Variants in VWA8 observed in about 807,000 individuals in gnomAD.
VWA8 encodes von Willebrand factor A domain-containing protein 8.
Under a neutral mutation model 241.5 loss-of-function variants are expected in VWA8, and 221 were observed. The observed-to-expected ratio is 0.91, with a 90% CI of 0.82 to 1.02. The LOEUF (loss-of-function observed/expected upper bound fraction) is 1.02. Among genes scored for constraint, VWA8 ranks in the 50% least tolerant of loss-of-function variants. The pLI, the probability that VWA8 is intolerant of heterozygous loss-of-function variation, is 0.00. For synonymous variants in VWA8, 852 were observed against 827.1 expected (o/e 1.03, Z -0.52); for missense variants, 2,322 against 2,328.7 (o/e 1.00, Z 0.06).
chr13:41,872,021 C>A (rs1236557752), intron 9 of VWA8, among the ~76,000 whole-genome samples: 2 of 152,154 alleles, frequency 1.3e-5, no homozygotes. Context: ...GATGGTATCT[C>A]ATTGTGGTTT....
chr13:41,817,578 A>G (rs1159473482), intron 15 of VWA8, among the ~76,000 whole-genome samples: 1 of 152,152 alleles, frequency 6.6e-6, no homozygotes, highest in African/African-American at 2.4e-5. Flanking sequence ...GTCCACATAT[A>G]CTTTGTTTCA....
In VWA8 at chr13:41,816,771, G is replaced by A. The variant is rs141997392; in HGVS notation, c.1874C>T (p.Pro625Leu). Reference sequence around the variant, plus strand: ...ATCCAGAGCTTCCTGAGGTACATTTGGGACCTATTTTTTGAAAGAGTTGAG... The same window carrying A: ...ATCCAGAGCTTCCTGAGGTACATTTAGGACCTATTTTTTGAAAGAGTTGAG... The part of the protein sequence containing the change: ...EEIQVIKEKV[P>L]NVPQEALDKL... The change falls in exon 16 of 45, where the codon CCA (proline) becomes CTA (leucine). Residue 625 changes from proline (P) to leucine (L), a missense_variant. By Grantham distance (98) the Pro-to-Leu change is moderately conservative. Transcript: ENST00000379310. The A allele has an allele frequency of 1.1e-3, 1,717 of 1,612,122 alleles. 5 individuals carry two copies. Among genetic ancestry groups the A allele is most frequent in the Non-Finnish European group, 1.4e-3 (1,628 of 1,179,106 alleles).
chr13:41,767,721 C>A (rs2045788977), intron 20 of VWA8, among the ~76,000 whole-genome samples: 1 of 152,180 alleles, frequency 6.6e-6, no homozygotes, highest in South Asian at 2.1e-4. Context: ...TTATAAACCT[C>A]CCTATCAAAA....
At chr13:41,952,934 T>A (rs1878201237) in intron 1 of VWA8, among the ~76,000 whole-genome samples, 1 of 152,020 alleles carries the variant, frequency 6.6e-6, no homozygotes, top group Admixed American at 6.6e-5. Flanking sequence ...CCCCTAGGCC[T>A]GAAGGGGCAA....
chr13:41,651,721 C>T (rs79603023), intron 37 of VWA8, among the ~76,000 whole-genome samples: 3,131 of 151,224 alleles, frequency 0.021, 49 homozygotes, highest in Non-Finnish European at 0.033. Flanking sequence ...GTTTTTTTTC[C>T]AAAAAAATCT....
intron 35 of VWA8, among the ~76,000 whole-genome samples, chr13:41,684,201 G>A (rs1289098899): frequency 1.3e-5 from 2 of 152,112 alleles, no homozygotes. Flanking sequence ...CAGCTGGGAA[G>A]AAACTAATTC....
At chr13:41,918,954 G>A (rs1876385148) in intron 2 of VWA8, among the ~76,000 whole-genome samples, 1 of 152,078 alleles carries the variant, frequency 6.6e-6, no homozygotes, top group Admixed American at 6.5e-5. Context: ...CAAATATTTA[G>A]AGACTAAACA....
chr13:41,674,424 G>T (rs1004083592), intron 36 of VWA8, among the ~76,000 whole-genome samples: 24 of 152,172 alleles, frequency 1.6e-4, no homozygotes, highest in African/African-American at 5.8e-4. Flanking sequence ...GAGTACATGA[G>T]AGGAGCAGAT....
intron 15 of VWA8, 138 bp from the exon 16 acceptor site, chr13:41,816,913 T>G (rs1386939108): frequency 2.9e-6 from 2 of 682,964 alleles, no homozygotes; most frequent in African/African-American, 3.7e-5. Context: ...GCTAAATGTT[T>G]AACTTATGGA....
chr13:41,618,718 T>C (rs2044637661), intron 37 of VWA8, among the ~76,000 whole-genome samples: 1 of 152,228 alleles, frequency 6.6e-6, no homozygotes, highest in Admixed American at 6.5e-5. Flanking sequence ...CCAGCACCAT[T>C]ATTAAATAGG....
At chr13:41,774,697 T>C (rs1042088223) in intron 20 of VWA8, among the ~76,000 whole-genome samples, 1 of 152,158 alleles carries the variant, frequency 6.6e-6, no homozygotes, top group African/African-American at 2.4e-5. Context: ...TAAAGAAGCA[T>C]ATTCTAGAAT....
intron 37 of VWA8, among the ~76,000 whole-genome samples, chr13:41,625,765 A>G (rs992095117): frequency 6.6e-6 from 1 of 152,000 alleles, no homozygotes; most frequent in Non-Finnish European, 1.5e-5. Context: ...TCATGCTGCT[A>G]TAAAGACACA....
chr13:41,650,711 C>A (rs547687006), intron 37 of VWA8, among the ~76,000 whole-genome samples: 1 of 152,200 alleles, frequency 6.6e-6, no homozygotes, highest in Admixed American at 6.5e-5. Flanking sequence ...GGGACATACA[C>A]TCTGCTCTGG....
At chr13:41,935,171 G>A (rs1287559318) in intron 2 of VWA8, among the ~76,000 whole-genome samples, 2 of 152,122 alleles carry the variant, frequency 1.3e-5, no homozygotes, top group African/African-American at 4.8e-5. Flanking sequence ...ACATACCTCA[G>A]GGTAGTGTGG....
chr13:41,790,433 A>G (rs773572195), intron 17 of VWA8, among the ~76,000 whole-genome samples: 116 of 152,024 alleles, frequency 7.6e-4, no homozygotes, highest in Non-Finnish European at 1.8e-4. Flanking sequence ...AATATTTTAT[A>G]TCCAAAGGGA....
intron 21 of VWA8, among the ~76,000 whole-genome samples, chr13:41,759,146 TA>T (rs1158603053): frequency 4.6e-5 from 7 of 151,758 alleles, no homozygotes; most frequent in East Asian, 1.9e-4. Context: ...GGTCTGCTGA[TA>T]AAAAAACTCA....
intron 19 of VWA8, among the ~76,000 whole-genome samples, chr13:41,783,536 G>A (rs1868991204): frequency 6.6e-6 from 1 of 151,894 alleles, no homozygotes; most frequent in Admixed American, 6.6e-5. Flanking sequence ...TACTCGGGAG[G>A]CTGAGGTAGA....
intron 22 of VWA8, among the ~76,000 whole-genome samples, chr13:41,729,882 C>T (rs561190744): frequency 6.6e-6 from 1 of 150,744 alleles, no homozygotes; most frequent in Admixed American, 6.6e-5. Flanking sequence ...GGGATTTCTA[C>T]CAAAAGCTTC....
chr13:41,607,292 A>G (rs2044559341), intron 39 of VWA8, among the ~76,000 whole-genome samples: 1 of 152,176 alleles, frequency 6.6e-6, no homozygotes, highest in Non-Finnish European at 1.5e-5. Context: ...GGCCACTATA[A>G]TATCTGAATG....
Sources: gnomAD v4.1 joint callset for allele counts (sites outside exome capture counted in the v4.1 genomes callset) on GRCh38, gnomAD v4.1.1 for gene constraint, MANE v1.5 for transcripts, NCBI Gene and HGNC (gene_info 2026-07-23, HGNC 2026-07-21) for gene names.